Variants in EPB42 observed in about 807,000 individuals in gnomAD.
EPB42 encodes the protein erythrocyte membrane protein band 4.2, also known as protein 4.2.
A neutral mutation model predicts 76.9 loss-of-function variants in EPB42; 49 were observed. The observed-to-expected ratio is 0.64, with a 90% CI of 0.51 to 0.81. The LOEUF is 0.81. Ranked by LOEUF, EPB42 falls within the 30% of genes least tolerant of loss-of-function variation. The pLI is 0.00. For missense variants in EPB42, 731 were observed against 867.6 expected, an observed-to-expected ratio of 0.84 and a Z score of 1.98; for synonymous variants, 310 against 338.4, an observed-to-expected ratio of 0.92 and a Z score of 0.92.
intron 5 of EPB42, 72 bp from the exon 6 acceptor site, chr15:43,209,523 G>C: frequency 6.6e-7 from 1 of 1,515,832 alleles, no homozygotes; most frequent in Non-Finnish European, 9.0e-7. Flanking sequence ...TGGGTAAGGA[G>C]GGCTCATCAC....
chr15:43,211,333 G>A (rs950033917), intron 4 of EPB42, 83 bp downstream of exon 4: 1 of 909,684 alleles, frequency 1.1e-6, no homozygotes, highest in Non-Finnish European at 1.9e-6. Flanking sequence ...GGGGTTTTTG[G>A]ACCTACCAGC....
chr15:43,209,154 T>TGAGATGGG, intron 6 of EPB42, 120 bp downstream of exon 6: 1 of 1,151,358 alleles, frequency 8.7e-7, no homozygotes, highest in East Asian at 2.4e-5. Context: ...TTCTGTGTGA[T>TGAGATGGG]GAGATGGGGA....
upstream of EPB42, among the ~76,000 whole-genome samples, chr15:43,225,225 G>A (rs1207982794): frequency 1.3e-5 from 2 of 152,244 alleles, no homozygotes; most frequent in Non-Finnish European, 2.9e-5. Context: ...CTTCTAGATA[G>A]AGACATCAGT....
intron 3 of EPB42, among the ~76,000 whole-genome samples, chr15:43,213,217 A>G (rs2042327426): frequency 6.6e-6 from 1 of 152,182 alleles, no homozygotes; most frequent in African/African-American, 2.4e-5. Flanking sequence ...GAGCATGGGC[A>G]GTGCCAGCCT....
rs1160040883 is a variant in EPB42, at chr15:43,206,314, G to A, written c.1618+16C>T. ...GTGTGTGTCGGGGGGTGTCTGGTGGGGCCATAGAGCATTACCCAGGTTGGC... is the reference window on the plus strand; with the variant it reads ...GTGTGTGTCGGGGGGTGTCTGGTGGAGCCATAGAGCATTACCCAGGTTGGC... On this transcript the variant is annotated intron_variant, in intron 10 of 12. Transcript: ENST00000441366. This position sits in a 1 kb window ranked among gnomAD's most constrained non-coding sequence, Gnocchi z 4.7. 1.3e-6 allele frequency: 2 copies of A among 1,597,574 alleles called. No homozygotes were observed. The highest frequency in any genetic ancestry group is 1.3e-5 in the African/African-American group (1 of 74,666).
intron 8 of EPB42, 140 bp from the exon 9 acceptor site, chr15:43,207,581 T>G: frequency 1.5e-6 from 2 of 1,377,754 alleles, no homozygotes; most frequent in East Asian, 4.8e-5. Context: ...CTAGGCAGGG[T>G]TTCTGAGAGA....
At chr15:43,202,422 A>C (rs1228218196) in intron 11 of EPB42, among the ~76,000 whole-genome samples, 2 of 151,860 alleles carry the variant, frequency 1.3e-5, no homozygotes, top group African/African-American at 2.4e-5. Context: ...GCCTTCCCCT[A>C]CCTCTGTACT....
At chr15:43,200,451 T>A (rs2042108656) in intron 12 of EPB42, among the ~76,000 whole-genome samples, 3 of 152,108 alleles carry the variant, frequency 2.0e-5, no homozygotes, top group Admixed American at 2.0e-4. Context: ...GACTAATACC[T>A]GGACTATACA....
At chr15:43,201,740 C>T in intron 12 of EPB42, 104 bp downstream of exon 12, 1 of 1,539,206 alleles carries the variant, frequency 6.5e-7, no homozygotes, top group Non-Finnish European at 9.0e-7. Flanking sequence ...CTAGGGGTAT[C>T]TGCTGTCTGC....
chr15:43,209,296 C>T lies in EPB42; in HGVS notation c.810G>A (p.Val270=). ...AACCTGTGCAAGCAACAGCAGCCAA[C>T]ACCCAGGCCTGGCCATCATACACAG... ...GRPVYDGQAW[V]LAAVACTVLR... Residue 270 remains valine (V), a synonymous_variant, in exon 6 of 13, where the codon GTG becomes GTA. Coordinates refer to ENST00000441366, the MANE Select transcript of EPB42 (RefSeq NM_001114134.2). 6.2e-7 allele frequency: 1 copy of T among 1,614,152 alleles called. No individual in the cohort carries two copies. Among genetic ancestry groups the T allele is most frequent in the East Asian group, 2.2e-5 (1 of 44,882 alleles).
At position 43,197,374 on chromosome 15, in the gene EPB42, C is replaced by T. The variant is rs780373486; in HGVS notation, c.2004G>A (p.Val668=). ...HVGLQRLTVE[V]DCNMFQNLTN... ...TTAGGTTCTGGAACATGTTGCAGTCCACTTCCACAGTGAGTCTCTGGAGCC... is the reference window on the plus strand; with the variant it reads ...TTAGGTTCTGGAACATGTTGCAGTCTACTTCCACAGTGAGTCTCTGGAGCC... The change falls in exon 13 of 13, where the codon GTG becomes GTA. Residue 668 remains valine (V), a synonymous_variant. Transcript: ENST00000441366. The T allele has an allele frequency of 6.2e-7, 1 of 1,614,154 alleles. No individual in the cohort carries two copies. The highest frequency in any genetic ancestry group is 8.5e-7 in the Non-Finnish European group (1 of 1,180,036).
At position 43,204,972 on chromosome 15, in the gene EPB42, C is replaced by CA. The variant is rs975531845; in HGVS notation, c.1618+1357_1618+1358insT. ...AGAAGGCTGCCCCCTCCGCCCCCCC[C>CA]CCAAAAAAAAGTTCCCAAGATGACT... On this transcript the variant is annotated intron_variant, in intron 10 of 12. Transcript: ENST00000441366. Among the ~76,000 whole-genome samples, 51 of 145,174 alleles carry CA rather than the reference C, an allele frequency of 3.5e-4. 1 individual carries two copies. The highest frequency in any genetic ancestry group is 8.2e-4 in the African/African-American group (31 of 37,832).
intron 11 of EPB42, 107 bp from the exon 12 acceptor site, chr15:43,202,084 C>T: frequency 6.7e-7 from 1 of 1,489,450 alleles, no homozygotes. Context: ...TCATCTCTGC[C>T]AAGCTGACTC....
At chr15:43,215,661 A>G (rs545458625) in intron 2 of EPB42, among the ~76,000 whole-genome samples, 30 of 152,312 alleles carry the variant, frequency 2.0e-4, no homozygotes, top group African/African-American at 7.0e-4. Context: ...TAAATGTTGT[A>G]TTTAGCCTGG....
At position 43,209,422 on chromosome 15, in the gene EPB42, C is replaced by A. The variant is rs1171779090; in HGVS notation, c.684G>T (p.Leu228=). Residue 228 remains leucine (L), a synonymous_variant, in exon 6 of 13, where the codon CTG becomes CTT. Coordinates refer to ENST00000441366, the MANE Select transcript of EPB42 (RefSeq NM_001114134.2). ...GGGTGGCCTGGGTCTGCGGGGTGGG[C>A]AGGACCCTCTGCTCCTTGAGAAAAT... ...LLHFLKEQRV[L]PTPQTQATQE... 2 of 1,612,634 alleles carry A rather than the reference C, an allele frequency of 1.2e-6. No individual in the cohort carries two copies. The highest frequency in any genetic ancestry group is 4.5e-5 in the East Asian group (2 of 44,850).
At chr15:43,212,633 A>T (rs2042318659) in intron 3 of EPB42, among the ~76,000 whole-genome samples, 1 of 152,170 alleles carries the variant, frequency 6.6e-6, no homozygotes, top group Admixed American at 6.5e-5. Flanking sequence ...CGGGGTTGAG[A>T]GGTGGAAGTC....
intron 12 of EPB42, among the ~76,000 whole-genome samples, chr15:43,200,555 A>G (rs1028588447): frequency 2.0e-5 from 3 of 152,232 alleles, no homozygotes; most frequent in African/African-American, 7.2e-5. Flanking sequence ...AGAAAACATA[A>G]AAGGCTAACA....
chr15:43,209,191 G>T, intron 6 of EPB42, 83 bp downstream of exon 6: 1 of 1,531,272 alleles, frequency 6.5e-7, no homozygotes. Flanking sequence ...GGCAGCACCT[G>T]CTTTTGGAGA....
intron 1 of EPB42, 123 bp downstream of exon 1, chr15:43,220,693 C>T (rs983004961): frequency 5.7e-6 from 9 of 1,583,384 alleles, no homozygotes; most frequent in South Asian, 1.1e-5. Context: ...ACCCCCTCCC[C>T]CACCATAGTT....
Sources: gnomAD v4.1 joint callset for allele counts (sites outside exome capture counted in the v4.1 genomes callset) on GRCh38, gnomAD v4.1.1 for gene constraint, Gnocchi (gnomAD v3.1) non-coding constraint, MANE v1.5 for transcripts, NCBI Gene and HGNC (gene_info 2026-07-23, HGNC 2026-07-21) for gene names.